GABBR2: variants seen among roughly 807,000 people sequenced by gnomAD.
GABBR2 encodes gamma-aminobutyric acid type B receptor subunit 2.
GABBR2 carries 23 observed loss-of-function variants against 105.6 expected under a neutral mutation model. The ratio of observed to expected loss-of-function variants is 0.22; its 90% CI spans 0.16 to 0.31. The LOEUF (loss-of-function observed/expected upper bound fraction) is 0.31. Among genes scored for constraint, GABBR2 ranks in the 10% least tolerant of loss-of-function variants. The pLI is 1.00. For missense variants in GABBR2, 734 were observed against 1,245.5 expected, an observed-to-expected ratio of 0.59 and a Z score of 6.18; for synonymous variants, 478 against 499.7, an observed-to-expected ratio of 0.96 and a Z score of 0.58.
chr9:98,482,995 G>A (rs76350915), intron 4 of GABBR2, among the ~76,000 whole-genome samples: 4,079 of 152,028 alleles, frequency 0.027, 172 homozygotes, highest in African/African-American at 0.092. Flanking sequence ...ACTGTTCTCT[G>A]TGTGCTGTGG....
At chr9:98,351,820 G>C (rs1831403958) in intron 13 of GABBR2, among the ~76,000 whole-genome samples, 2 of 152,170 alleles carry the variant, frequency 1.3e-5, no homozygotes, top group African/African-American at 4.8e-5. Context: ...GCATTTCATA[G>C]ATTTCCTTTC....
chr9:98,684,409 CT>C (rs955816109), intron 1 of GABBR2, among the ~76,000 whole-genome samples: 70 of 152,044 alleles, frequency 4.6e-4, no homozygotes, highest in African/African-American at 1.6e-3. Context: ...TACTAGTTAT[CT>C]TTTTTAAAAT....
At chr9:98,544,098 A>G (rs1170853314) in intron 2 of GABBR2, among the ~76,000 whole-genome samples, 1 of 151,686 alleles carries the variant, frequency 6.6e-6, no homozygotes, top group Admixed American at 6.6e-5. Context: ...AAGCAAGCTC[A>G]ATCTTTGCTG....
chr9:98,302,465 C>T (rs117659420), intron 16 of GABBR2, among the ~76,000 whole-genome samples: 341 of 152,322 alleles, frequency 2.2e-3, no homozygotes, highest in Non-Finnish European at 3.6e-3. Context: ...TCTCTTTTCA[C>T]GGCCATTAGG....
At chr9:98,514,350 C>T (rs1588206467) in intron 3 of GABBR2, among the ~76,000 whole-genome samples, 1 of 124,994 alleles carries the variant, frequency 8.0e-6, no homozygotes, top group Non-Finnish European at 1.8e-5. Flanking sequence ...CACATGTATA[C>T]ATATGTAACT....
At chr9:98,599,758 C>T (rs909861668) in intron 1 of GABBR2, among the ~76,000 whole-genome samples, 2 of 152,168 alleles carry the variant, frequency 1.3e-5, no homozygotes, top group East Asian at 3.9e-4. Flanking sequence ...GGGACCCCAC[C>T]CCGCATGGCA....
chr9:98,333,183 G>A (rs1038339534), intron 13 of GABBR2, among the ~76,000 whole-genome samples: 7 of 152,182 alleles, frequency 4.6e-5, no homozygotes, highest in African/African-American at 1.7e-4. Context: ...CCTTCATCAA[G>A]TGCTCTCCAG....
intron 3 of GABBR2, among the ~76,000 whole-genome samples, chr9:98,511,606 C>T (rs1183644700): frequency 6.6e-6 from 1 of 152,004 alleles, no homozygotes. Context: ...ATACAAACTA[C>T]CATCAGAGAA....
At chr9:98,563,221 G>A (rs1200533145) in intron 2 of GABBR2, among the ~76,000 whole-genome samples, 1 of 152,018 alleles carries the variant, frequency 6.6e-6, no homozygotes, top group Non-Finnish European at 1.5e-5. Flanking sequence ...AAGATTGAGA[G>A]CACCGAAAAC....
chr9:98,556,774 G>A (rs532921864), intron 2 of GABBR2, among the ~76,000 whole-genome samples: 30 of 152,192 alleles, frequency 2.0e-4, no homozygotes, highest in Non-Finnish European at 2.9e-4. Context: ...GACCGGGTGC[G>A]GTGGCTGACG....
At chr9:98,643,800 G>T (rs1379837209) in intron 1 of GABBR2, among the ~76,000 whole-genome samples, 1 of 152,170 alleles carries the variant, frequency 6.6e-6, no homozygotes, top group Non-Finnish European at 1.5e-5. Flanking sequence ...TTAGGAAAAA[G>T]AATCATTTCT....
At chr9:98,442,944 C>T (rs1170130664) in intron 7 of GABBR2, among the ~76,000 whole-genome samples, 1 of 152,202 alleles carries the variant, frequency 6.6e-6, no homozygotes, top group Non-Finnish European at 1.5e-5. Context: ...ACGACCTCAT[C>T]TTAACTAATC....
chr9:98,299,217 C>A lies in GABBR2; in HGVS notation c.2542+7G>T, dbSNP rs371247282. 1 of 1,613,694 alleles carries A rather than the reference C, an allele frequency of 6.2e-7. No individual in the cohort carries two copies. The highest frequency in any genetic ancestry group is 1.1e-5 in the South Asian group (1 of 91,062). On this transcript the variant is annotated splice_region_variant and intron_variant, in intron 17 of 18. Transcript: ENST00000259455. ...CCTACCACATTCTGGGGCCCTGGCT[C>A]TCTTACCTGTGCTCTCAGTGAAGTT...
At chr9:98,419,098 C>CG (rs146223380) in intron 7 of GABBR2, among the ~76,000 whole-genome samples, 64 of 152,130 alleles carry the variant, frequency 4.2e-4, no homozygotes, top group African/African-American at 1.3e-3. Flanking sequence ...CAGATTGGCC[C>CG]GGGGGGGCGG....
chr9:98,441,283 T>A (rs957200821), intron 7 of GABBR2, among the ~76,000 whole-genome samples: 3 of 146,542 alleles, frequency 2.0e-5, no homozygotes, highest in Non-Finnish European at 4.5e-5. Context: ...TCTATCATAA[T>A]AAATAATAGC....
At chr9:98,603,150 C>T (rs1269614086) in intron 1 of GABBR2, among the ~76,000 whole-genome samples, 3 of 152,152 alleles carry the variant, frequency 2.0e-5, no homozygotes, top group Admixed American at 6.5e-5. Flanking sequence ...TCAATAAATA[C>T]CCCCACTCTC....
chr9:98,692,503 C>T (rs574799865), intron 1 of GABBR2, among the ~76,000 whole-genome samples: 14 of 152,332 alleles, frequency 9.2e-5, no homozygotes, highest in Non-Finnish European at 1.5e-4. Context: ...CTACTCTCTC[C>T]GGGGCTTGGC....
At chr9:98,551,027 C>T (rs566904211) in intron 2 of GABBR2, among the ~76,000 whole-genome samples, 64 of 152,210 alleles carry the variant, frequency 4.2e-4, no homozygotes, top group Non-Finnish European at 6.3e-4. Flanking sequence ...GGAGAAATGA[C>T]CCAACCACCC....
intron 7 of GABBR2, among the ~76,000 whole-genome samples, chr9:98,425,099 T>C (rs1280872302): frequency 6.6e-6 from 1 of 152,042 alleles, no homozygotes; most frequent in Non-Finnish European, 1.5e-5. Flanking sequence ...ATATTATATA[T>C]ATAATACATT....
Sources: allele counts gnomAD v4.1 joint callset (sites outside exome capture counted in the v4.1 genomes callset), GRCh38; gene constraint gnomAD v4.1.1; transcripts MANE v1.5; gene names NCBI Gene and HGNC (gene_info 2026-07-23, HGNC 2026-07-21).